SH3PXD2B: variants seen among roughly 807,000 people sequenced by gnomAD.
The protein encoded by SH3PXD2B is SH3 and PX domain-containing protein 2B.
SH3PXD2B carries 37 observed loss-of-function variants against 73.1 expected under a neutral mutation model. The ratio of observed to expected loss-of-function variants is 0.51; its 90% CI spans 0.39 to 0.67. SH3PXD2B has a LOEUF of 0.67. Among genes scored for constraint, SH3PXD2B ranks in the 30% least tolerant of loss-of-function variants. The pLI is 0.00. For missense variants in SH3PXD2B, 1,053 were observed against 1,197.8 expected, an observed-to-expected ratio of 0.88 and a Z score of 1.78; for synonymous variants, 457 against 480.5, an observed-to-expected ratio of 0.95 and a Z score of 0.64.
Position 172,454,366 on chromosome 5 carries a change from C to T in SH3PXD2B, c.-14G>A, listed in dbSNP as rs1759884342. 1.3e-6 allele frequency: 2 copies of T among 1,483,278 alleles called. No individual in the cohort carries two copies. The highest frequency in any genetic ancestry group is 2.9e-5 in the African/African-American group (2 of 68,862). 91.9% of individuals were successfully genotyped at this position (1,483,278 alleles called of 1,614,324 possible). A position where few individuals can be genotyped will look rare whatever the true frequency, so the allele number is the denominator to read the frequency against. Reference sequence around the variant, plus strand: ...CCGCGGCGGCATGGCCGCTCCTCCGCCCGCAGCGGGCCGAGCGCGGGTGCG... The same window carrying T: ...CCGCGGCGGCATGGCCGCTCCTCCGTCCGCAGCGGGCCGAGCGCGGGTGCG... On this transcript the variant is annotated 5_prime_UTR_variant, in exon 1 of 13. Transcript: ENST00000311601.
chr5:172,453,621 CT>C (rs1240184375), intron 1 of SH3PXD2B, among the ~76,000 whole-genome samples: 1 of 152,230 alleles, frequency 6.6e-6, no homozygotes, highest in Non-Finnish European at 1.5e-5. Context: ...TCCTTGCCAG[CT>C]CCAAACAAGA....
At chr5:172,368,879 AATATAAAAAAAAATAT>A (rs1249688742) in intron 6 of SH3PXD2B, among the ~76,000 whole-genome samples, 1 of 99,806 alleles carries the variant, frequency 1.0e-5, no homozygotes, top group African/African-American at 4.6e-5. Flanking sequence ...TTAAATATAT[AATATAAAAAAAAATAT>A]ATATATATAT....
rs1184384073 is a variant in SH3PXD2B, at chr5:172,421,593, C to T, written c.156+823G>A. On this transcript the variant is annotated intron_variant, in intron 2 of 12. Coordinates refer to ENST00000311601, the MANE Select transcript of SH3PXD2B (RefSeq NM_001017995.3). The surrounding 1 kb of genome is among the most constrained non-coding windows in gnomAD (Gnocchi z 4.0). ...CTGTAGGGGCACAGAATGGGTGGCC[C>T]TCGCTGGCCAGGGAACAAAGGCAAG... Among the ~76,000 whole-genome samples the T allele has an allele frequency of 6.6e-6, 1 of 152,134 alleles. No individual in the cohort carries two copies. Among genetic ancestry groups the T allele is most frequent in the Non-Finnish European group, 1.5e-5 (1 of 68,036 alleles).
intron 10 of SH3PXD2B, among the ~76,000 whole-genome samples, chr5:172,348,499 T>C (rs1421864545): frequency 1.3e-5 from 2 of 152,174 alleles, no homozygotes; most frequent in African/African-American, 2.4e-5. Flanking sequence ...ATATTAACCC[T>C]GAACATATAC....
chr5:172,379,950 C>T (rs1187932467), intron 5 of SH3PXD2B, among the ~76,000 whole-genome samples: 1 of 152,174 alleles, frequency 6.6e-6, no homozygotes, highest in African/African-American at 2.4e-5. Flanking sequence ...GGAAAATTCA[C>T]CTTCACCTCT....
At chr5:172,352,228 A>T (rs1757172519) in intron 9 of SH3PXD2B, among the ~76,000 whole-genome samples, 1 of 152,218 alleles carries the variant, frequency 6.6e-6, no homozygotes, top group Non-Finnish European at 1.5e-5. Context: ...GTTTAAAAAA[A>T]CTAATGTCTT....
At chr5:172,346,864 C>A (rs1259474444) in intron 11 of SH3PXD2B, among the ~76,000 whole-genome samples, 1 of 152,080 alleles carries the variant, frequency 6.6e-6, no homozygotes, top group Admixed American at 6.6e-5. Flanking sequence ...AACAACAACC[C>A]ATTGGGTTCA....
intron 1 of SH3PXD2B, among the ~76,000 whole-genome samples, chr5:172,453,940 C>T (rs1198592891): frequency 6.6e-6 from 1 of 152,162 alleles, no homozygotes; most frequent in Non-Finnish European, 1.5e-5. Flanking sequence ...TCTCAGACCC[C>T]TCACCGGCTG....
rs201485159 is a variant in SH3PXD2B at position 172,358,855 on chromosome 5, G to A, written c.585C>T (p.Ala195=). ...NESGWWFVST[A]EEQGWVPATC... ...TTGCAGGGACCCAGCCTTGCTCCTC[G>A]GCAGTGCTGACGAACCACCAACCTG... The change falls in exon 8 of 13, where the codon GCC becomes GCT. Residue 195 remains alanine (A), a synonymous_variant. Transcript: ENST00000311601. The A allele has an allele frequency of 1.8e-5, 29 of 1,613,990 alleles. No individual in the cohort carries two copies. The highest frequency in any genetic ancestry group is 2.4e-5 in the Non-Finnish European group (28 of 1,179,966).
chr5:172,412,424 C>T (rs539024038), intron 2 of SH3PXD2B, among the ~76,000 whole-genome samples: 3 of 152,200 alleles, frequency 2.0e-5, no homozygotes, highest in Non-Finnish European at 4.4e-5. Context: ...CCTCATGTGA[C>T]GAGCAGCTGC....
chr5:172,327,032 G>T (rs572092905), intron 12 of SH3PXD2B, among the ~76,000 whole-genome samples: 1 of 151,976 alleles, frequency 6.6e-6, no homozygotes, highest in South Asian at 2.1e-4. Flanking sequence ...GCTGATTTTT[G>T]TATTTTTAGT....
At chr5:172,328,390 C>T (rs912614154) in intron 12 of SH3PXD2B, among the ~76,000 whole-genome samples, 12 of 152,164 alleles carry the variant, frequency 7.9e-5, no homozygotes, top group African/African-American at 2.9e-4. Flanking sequence ...AGGTGTGAGC[C>T]ACCGCACCCA....
At chr5:172,365,260 A>G (rs944120810) in intron 6 of SH3PXD2B, among the ~76,000 whole-genome samples, 3 of 152,182 alleles carry the variant, frequency 2.0e-5, no homozygotes, top group Non-Finnish European at 4.4e-5. Context: ...TACAGACAGC[A>G]CAGAAACCAT....
At chr5:172,351,976 G>A (rs1175128835) in intron 9 of SH3PXD2B, among the ~76,000 whole-genome samples, 1 of 152,144 alleles carries the variant, frequency 6.6e-6, no homozygotes, top group African/African-American at 2.4e-5. Flanking sequence ...GAGGCGATGT[G>A]CAGTGCTGAC....
exon 13 of SH3PXD2B, chr5:172,325,244 A>G: frequency 6.8e-6 from 10 of 1,461,004 alleles, no homozygotes; most frequent in Non-Finnish European, 8.3e-6. Context: ...TAGCAAATTC[A>G]TGTTCACAGC....
At chr5:172,386,960 A>G (rs1366715234) in intron 4 of SH3PXD2B, among the ~76,000 whole-genome samples, 1 of 152,192 alleles carries the variant, frequency 6.6e-6, no homozygotes, top group Non-Finnish European at 1.5e-5. Flanking sequence ...TTTCTCGAAG[A>G]CATATTGTTT....
At chr5:172,393,879 G>A (rs1758239797) in intron 4 of SH3PXD2B, among the ~76,000 whole-genome samples, 1 of 152,162 alleles carries the variant, frequency 6.6e-6, no homozygotes, top group Non-Finnish European at 1.5e-5. Context: ...AACAGGGATT[G>A]GCTAAATAAC....
intron 12 of SH3PXD2B, among the ~76,000 whole-genome samples, chr5:172,326,164 C>A (rs986261195): frequency 6.6e-6 from 1 of 152,222 alleles, no homozygotes; most frequent in African/African-American, 2.4e-5. Context: ...ACATTTGAAC[C>A]ATAGCGGCCT....
At chr5:172,444,279 AG>A (rs1336503688) in intron 1 of SH3PXD2B, among the ~76,000 whole-genome samples, 1 of 152,142 alleles carries the variant, frequency 6.6e-6, no homozygotes, top group Non-Finnish European at 1.5e-5. Context: ...TACCTACTGG[AG>A]TTCCCACTCC....
Sources: gnomAD v4.1 joint callset for allele counts (sites outside exome capture counted in the v4.1 genomes callset) on GRCh38, gnomAD v4.1.1 for gene constraint, Gnocchi (gnomAD v3.1) non-coding constraint, MANE v1.5 for transcripts, NCBI Gene and HGNC (gene_info 2026-07-23, HGNC 2026-07-21) for gene names.